Variants in NFIA observed in about 807,000 individuals in gnomAD.
NFIA encodes the protein nuclear factor I A, also known as nuclear factor 1 A-type.
In NFIA, 8 loss-of-function variants were observed where a neutral mutation model predicts 62.8. The observed-to-expected ratio is 0.13, with a 90% confidence interval of 0.07 to 0.23. The LOEUF is 0.23. NFIA is among the 10% of genes least tolerant of loss of function. The pLI is 1.00. For synonymous variants in NFIA, 235 were observed against 238.1 expected, an observed-to-expected ratio of 0.99 and a Z score of 0.12; for missense variants, 410 against 642.1, an observed-to-expected ratio of 0.64 and a Z score of 3.91.
chr1:61,170,580 A>T lies in NFIA; in HGVS notation c.559+81900A>T, dbSNP rs114899751. ...TGCTTAGGACTGTAACCAAACTTGA[A>T]CTCTTGCCTGGGAATATGCCCTCCC... is the stretch of plus-strand genomic sequence containing the variant. On this transcript the variant is annotated intron_variant, in intron 2 of 10. Coordinates refer to ENST00000403491, the MANE Select transcript of NFIA (RefSeq NM_001134673.4). 7.4e-4 allele frequency among the ~76,000 whole-genome samples: 112 copies of T among 151,608 alleles called. 2 individuals carry two copies. Among genetic ancestry groups the T allele is most frequent in the African/African-American group, 2.3e-3 (97 of 41,324 alleles).
In NFIA at chr1:61,344,221, G is replaced by A. The variant is rs193089257; in HGVS notation, c.701-8229G>A. On this transcript the variant is annotated intron_variant, in intron 4 of 10. Coordinates refer to ENST00000403491, the MANE Select transcript of NFIA (RefSeq NM_001134673.4). The stretch of plus-strand genomic sequence containing the variant: ...TGCTTGAGTTTTCATAGCATTGTGC[G>A]TTTTACAACTGTGCCTTTGATAGAA... Among the ~76,000 whole-genome samples the A allele has an allele frequency of 5.9e-5, 9 of 152,212 alleles. No homozygotes were observed. In the South Asian group the frequency reaches 1.5e-3, roughly 25 times the overall value.
At chr1:61,306,054 G>A (rs1659761903) in intron 3 of NFIA, among the ~76,000 whole-genome samples, 1 of 151,490 alleles carries the variant, frequency 6.6e-6, no homozygotes, top group African/African-American at 2.4e-5. Context: ...GTTTCACCGT[G>A]TTAGCCAGGA....
intron 3 of NFIA, among the ~76,000 whole-genome samples, chr1:61,277,814 G>A (rs1657903717): frequency 1.3e-5 from 2 of 152,162 alleles, no homozygotes; most frequent in Admixed American, 6.5e-5. Flanking sequence ...GGGTGCCCAT[G>A]AGAACCTGAA....
intron 5 of NFIA, 28 bp downstream of exon 5, chr1:61,352,595 A>C: frequency 1.3e-6 from 2 of 1,509,906 alleles, no homozygotes; most frequent in Non-Finnish European, 1.8e-6. Flanking sequence ...TCTTGAAGAA[A>C]TTATGCTACA....
chr1:61,417,462 C>T (rs1317123959), intron 9 of NFIA, among the ~76,000 whole-genome samples: 1 of 151,394 alleles, frequency 6.6e-6, no homozygotes, highest in African/African-American at 2.4e-5. Flanking sequence ...ATGGAGTATG[C>T]TCCAGCATAT....
intron 9 of NFIA, among the ~76,000 whole-genome samples, chr1:61,413,079 T>G (rs1253072809): frequency 6.6e-6 from 1 of 152,132 alleles, no homozygotes; most frequent in African/African-American, 2.4e-5. Flanking sequence ...AAAACTCAAT[T>G]TAAAAATGCA....
At chr1:61,383,197 A>G (rs925226220) in intron 6 of NFIA, 40 bp from the exon 7 acceptor site, 5 of 1,608,528 alleles carry the variant, frequency 3.1e-6, no homozygotes, top group Non-Finnish European at 4.3e-6. Flanking sequence ...TCATTGTTCC[A>G]TGAATTAAAG....
chr1:61,205,106 T>TTTCCTTATAG (rs764990939), intron 2 of NFIA, among the ~76,000 whole-genome samples: 39 of 152,220 alleles, frequency 2.6e-4, no homozygotes, highest in Non-Finnish European at 4.8e-4. Flanking sequence ...GGTAATACTA[T>TTTCCTTATAG]TATTATCTAT....
At chr1:61,344,731 A>T (rs906378025) in intron 4 of NFIA, among the ~76,000 whole-genome samples, 8 of 152,244 alleles carry the variant, frequency 5.3e-5, no homozygotes, top group Non-Finnish European at 1.2e-4. Flanking sequence ...ACTATTAACC[A>T]TAGGCTGGAC....
chr1:61,103,647 A>G lies in NFIA; in HGVS notation c.559+14967A>G, dbSNP rs1570157757. ...TGTTTAGCTGGTGACTAGATGAGAAATCTGGATTGAACAAAACAAGAACTT... is the reference window on the plus strand; with the variant it reads ...TGTTTAGCTGGTGACTAGATGAGAAGTCTGGATTGAACAAAACAAGAACTT... On this transcript the variant is annotated intron_variant, in intron 2 of 10. Transcript: ENST00000403491. Among the ~76,000 whole-genome samples the G allele has an allele frequency of 2.0e-5, 3 of 152,164 alleles. No homozygotes were observed. In the East Asian group the frequency reaches 5.8e-4, roughly 29 times the overall value.
chr1:61,401,015 C>T (rs1266495053), intron 7 of NFIA, among the ~76,000 whole-genome samples: 3 of 115,392 alleles, frequency 2.6e-5, no homozygotes, highest in Non-Finnish European at 5.5e-5. Context: ...AGAGAAATAG[C>T]ATCTATTTAA....
chr1:61,218,663 A>T (rs989430660), intron 2 of NFIA, among the ~76,000 whole-genome samples: 5 of 152,266 alleles, frequency 3.3e-5, no homozygotes, highest in African/African-American at 1.2e-4. Flanking sequence ...CCTTTAAAAA[A>T]TAATGCTGTA....
intron 2 of NFIA, among the ~76,000 whole-genome samples, chr1:61,143,960 A>G (rs1240010728): frequency 1.3e-5 from 2 of 152,232 alleles, no homozygotes. Flanking sequence ...AGGCCACAGT[A>G]AGAATCTACT....
chr1:61,353,830 G>A (rs958753266), intron 5 of NFIA, among the ~76,000 whole-genome samples: 4 of 152,112 alleles, frequency 2.6e-5, no homozygotes, highest in Non-Finnish European at 5.9e-5. Flanking sequence ...TCCTCAGGGG[G>A]ACAAAAAAGT....
chr1:61,082,573 C>A lies in NFIA; in HGVS notation c.-219C>A, dbSNP rs1646126799. On this transcript the variant is annotated 5_prime_UTR_variant, in exon 1 of 11. Transcript: ENST00000403491. ...GGAAACTCTAGGCGGGGTTAAAGTTCAGCTCATGGAGCGGCAATAGCGCTG... is the reference window on the plus strand; with the variant it reads ...GGAAACTCTAGGCGGGGTTAAAGTTAAGCTCATGGAGCGGCAATAGCGCTG... 2.7e-6 allele frequency: 4 copies of A among 1,466,422 alleles called. No homozygotes were observed. The Admixed American group carries it at 7.1e-5, about 26-fold the overall frequency. The allele number at this position is 1,466,422 out of a possible 1,614,324, so 90.8% of individuals were successfully genotyped here. A position where few individuals can be genotyped will look rare whatever the true frequency, so the allele number is the denominator to read the frequency against.
At position 61,274,129 on chromosome 1, in the gene NFIA, T is replaced by C. The variant is rs117156778; in HGVS notation, c.560-3391T>C. Among the ~76,000 whole-genome samples, 41 of 152,340 alleles carry C rather than the reference T, an allele frequency of 2.7e-4. No homozygotes were observed. The East Asian group carries it at 7.5e-3, about 28-fold the overall frequency. On this transcript the variant is annotated intron_variant, in intron 2 of 10. Transcript: ENST00000403491. ...TTTATTCCTTTCCCTAGTGATTACG[T>C]TGACAGTGAACTATCTTTGTCTGAG...
chr1:61,235,326 G>A (rs1654926689), intron 2 of NFIA, among the ~76,000 whole-genome samples: 1 of 151,906 alleles, frequency 6.6e-6, no homozygotes, highest in African/African-American at 2.4e-5. Flanking sequence ...AGCCAGGTGT[G>A]GTGGGTGGTG....
rs1056587896 is a variant in NFIA at position 61,421,844 on chromosome 1, G to A, written c.1421-4621G>A. Among the ~76,000 whole-genome samples the A allele has an allele frequency of 4.6e-5, 7 of 152,300 alleles. No individual in the cohort carries two copies. In the South Asian group the frequency reaches 1.4e-3, roughly 32 times the overall value. ...CCTTTCTGTGATTACATGTATTTTA[G>A]TGATTGCTAAATTTGAACTAAACCT... On this transcript the variant is annotated intron_variant, in intron 9 of 10. Coordinates refer to ENST00000403491, the MANE Select transcript of NFIA (RefSeq NM_001134673.4).
At chr1:61,368,878 G>C (rs1235318303) in intron 6 of NFIA, among the ~76,000 whole-genome samples, 3 of 152,166 alleles carry the variant, frequency 2.0e-5, no homozygotes, top group African/African-American at 7.2e-5. Flanking sequence ...GATAGAAGAA[G>C]TATGAAAATA....
Sources: gnomAD v4.1 joint callset for allele counts (sites outside exome capture counted in the v4.1 genomes callset) on GRCh38, gnomAD v4.1.1 for gene constraint, MANE v1.5 for transcripts, NCBI Gene and HGNC (gene_info 2026-07-23, HGNC 2026-07-21) for gene names.